The following GALNT14 variants were observed in gnomAD, a reference collection of about 807,000 sequenced individuals.
GALNT14 encodes the protein polypeptide N-acetylgalactosaminyltransferase 14.
A neutral mutation model predicts 77.5 loss-of-function variants in GALNT14; 60 were observed. That is an observed-to-expected ratio of 0.77 (90% CI 0.63 to 0.96). The LOEUF is 0.96. Ranked by LOEUF, GALNT14 falls within the 40% of genes least tolerant of loss-of-function variation. GALNT14 has a pLI of 0.00. For missense variants in GALNT14, 710 were observed against 731.0 expected (o/e 0.97, Z 0.33); for synonymous variants, 280 against 281.7 (o/e 0.99, Z 0.06).
chr2:30,891,315 C>A, the GALNT14 span, among the ~76,000 whole-genome samples: 5 of 152,080 alleles, frequency 3.3e-5, no homozygotes, highest in African/African-American at 7.2e-5. Context: ...AGTGCCTGTG[C>A]TAGCCAGGTG....
At chr2:30,941,799 T>C (rs1218448873) in intron 9 of GALNT14, among the ~76,000 whole-genome samples, 1 of 152,210 alleles carries the variant, frequency 6.6e-6, no homozygotes, top group Non-Finnish European at 1.5e-5. Context: ...TGTTCCTCAT[T>C]CTTTCTCTTC....
chr2:30,938,361 C>CACACACACACAA (rs1666181832), intron 9 of GALNT14, among the ~76,000 whole-genome samples: 1 of 135,118 alleles, frequency 7.4e-6, no homozygotes, highest in Non-Finnish European at 1.6e-5. Context: ...ATTCCTTTTA[C>CACACACACACAA]ACACACACAC....
intron 1 of GALNT14, among the ~76,000 whole-genome samples, chr2:31,024,404 C>G (rs369898018): frequency 1.3e-5 from 2 of 152,144 alleles, no homozygotes; most frequent in African/African-American, 2.4e-5. Flanking sequence ...GCCCCACACA[C>G]GGTGGCCCAA....
chr2:30,888,501 T>C, the GALNT14 span, among the ~76,000 whole-genome samples: 4 of 152,214 alleles, frequency 2.6e-5, no homozygotes, highest in Non-Finnish European at 4.4e-5. Context: ...GTGGCCAGCA[T>C]GTGGCAAATG....
At chr2:30,923,968 T>G (rs1572973285) in intron 13 of GALNT14, 151 bp downstream of exon 13, 1 of 846,272 alleles carries the variant, frequency 1.2e-6, no homozygotes, top group Middle Eastern at 3.3e-4. Flanking sequence ...AGTGGCAGAG[T>G]GGGGGGATCA....
At chr2:31,135,296 G>A (rs1679175909) in intron 1 of GALNT14, among the ~76,000 whole-genome samples, 1 of 152,194 alleles carries the variant, frequency 6.6e-6, no homozygotes, top group Non-Finnish European at 1.5e-5. Context: ...TGTTAATGGA[G>A]CTCACCAGGT....
chr2:30,903,002 C>T, the GALNT14 span, among the ~76,000 whole-genome samples: 581 of 152,282 alleles, frequency 3.8e-3, 2 homozygotes, highest in African/African-American at 0.012. Context: ...CTATAGATGG[C>T]TTGATTTACC....
chr2:31,107,444 C>T (rs1014484042), intron 1 of GALNT14, among the ~76,000 whole-genome samples: 11 of 152,170 alleles, frequency 7.2e-5, no homozygotes, highest in Non-Finnish European at 1.6e-4. Context: ...GCACACATTA[C>T]ACATTCCACA....
Position 30,945,039 on chromosome 2 carries a change from A to T in GALNT14, c.743-97T>A, listed in dbSNP as rs974672465. The T allele has an allele frequency of 3.7e-6, 4 of 1,090,690 alleles. No homozygotes were observed. In the African/African-American group the frequency reaches 6.2e-5, roughly 17 times the overall value. 67.6% of individuals were successfully genotyped at this position (1,090,690 alleles called of 1,614,324 possible). On this transcript the variant is annotated intron_variant, in intron 7 of 14. Coordinates refer to ENST00000349752, the MANE Select transcript of GALNT14 (RefSeq NM_024572.4). ...GGTCATGAATGTACCCAGGTCCTGG[A>T]GAGGTAGGTCTCAAAGAGGCCGGTC... is the stretch of plus-strand genomic sequence containing the variant.
In GALNT14 at chr2:31,128,132, C is replaced by T. The variant is rs75922788; in HGVS notation, c.129+9826G>A. Among the ~76,000 whole-genome samples, 469 of 152,214 alleles carry T rather than the reference C, an allele frequency of 3.1e-3. 3 individuals are homozygous for T. Among genetic ancestry groups the T allele is most frequent in the African/African-American group, 0.01 (434 of 41,530 alleles). ...AGCAGCCTCCTGATCTTACGCTTTC[C>T]TAAGTTTAACCACATATGTGGGCAG... is the stretch of plus-strand genomic sequence containing the variant. On this transcript the variant is annotated intron_variant, in intron 1 of 14. Coordinates refer to ENST00000349752, the MANE Select transcript of GALNT14 (RefSeq NM_024572.4).
intron 1 of GALNT14, among the ~76,000 whole-genome samples, chr2:31,060,394 C>T (rs1573269993): frequency 6.6e-6 from 1 of 152,182 alleles, no homozygotes; most frequent in South Asian, 2.1e-4. Context: ...TTAAACAGGG[C>T]CAATGTCCCA....
At chr2:30,944,815 T>A in intron 8 of GALNT14, 43 bp downstream of exon 8, 1 of 1,453,924 alleles carries the variant, frequency 6.9e-7, no homozygotes, top group Non-Finnish European at 9.4e-7. Context: ...CAGGATCCAG[T>A]GGTGATGGTC....
At chr2:31,057,844 C>T (rs1358115024) in intron 1 of GALNT14, among the ~76,000 whole-genome samples, 1 of 152,128 alleles carries the variant, frequency 6.6e-6, no homozygotes, top group Non-Finnish European at 1.5e-5. Context: ...GCCTCTCAGC[C>T]CTCTGGCTTA....
chr2:31,115,112 G>A (rs906955675), intron 1 of GALNT14, among the ~76,000 whole-genome samples: 5 of 151,968 alleles, frequency 3.3e-5, no homozygotes, highest in African/African-American at 1.2e-4. Context: ...TAGCCAGGCA[G>A]AGTGCCACAT....
intron 2 of GALNT14, among the ~76,000 whole-genome samples, chr2:30,981,834 G>A (rs1669006713): frequency 6.6e-6 from 1 of 152,176 alleles, no homozygotes; most frequent in African/African-American, 2.4e-5. Context: ...CATGTTACGT[G>A]GGAGGAAACA....
At chr2:30,901,877 C>A in the GALNT14 span, among the ~76,000 whole-genome samples, 1 of 152,130 alleles carries the variant, frequency 6.6e-6, no homozygotes, top group Non-Finnish European at 1.5e-5. Flanking sequence ...ATTCTCCAAG[C>A]ATGGTTTGAG....
chr2:31,046,108 T>A (rs12621518), intron 1 of GALNT14, among the ~76,000 whole-genome samples: 1 of 151,976 alleles, frequency 6.6e-6, no homozygotes, highest in East Asian at 1.9e-4. Context: ...ATGAGGTAGG[T>A]GCTGTTACCA....
At chr2:30,994,440 A>C (rs1272182064) in intron 1 of GALNT14, among the ~76,000 whole-genome samples, 1 of 152,174 alleles carries the variant, frequency 6.6e-6, no homozygotes, top group South Asian at 2.1e-4. Flanking sequence ...CACCATGGTG[A>C]GCTTATCCAG....
chr2:31,005,585 A>C (rs1325844384), intron 1 of GALNT14, among the ~76,000 whole-genome samples: 1 of 152,198 alleles, frequency 6.6e-6, no homozygotes, highest in Admixed American at 6.5e-5. Flanking sequence ...TGGTGACTGA[A>C]TGCTAATGGA....
Sources: allele counts gnomAD v4.1 joint callset (sites outside exome capture counted in the v4.1 genomes callset), GRCh38; gene constraint gnomAD v4.1.1; transcripts MANE v1.5; gene names NCBI Gene and HGNC (gene_info 2026-07-23, HGNC 2026-07-21).